RBFOX1: variants seen among roughly 807,000 people sequenced by gnomAD.
RBFOX1 encodes RNA binding fox-1 homolog 1.
In RBFOX1, 8 loss-of-function variants were observed where a neutral mutation model predicts 57.7. The ratio of observed to expected loss-of-function variants is 0.14; its 90% CI spans 0.08 to 0.25. The LOEUF (loss-of-function observed/expected upper bound fraction) is 0.25. Ranked by LOEUF, RBFOX1 falls within the 10% of genes least tolerant of loss-of-function variation. The pLI is 1.00. For missense variants in RBFOX1, 611 were observed against 548.5 expected, an observed-to-expected ratio of 1.11 and a Z score of -1.14; for synonymous variants, 326 against 222.4, an observed-to-expected ratio of 1.47 and a Z score of -4.15.
intron 4 of RBFOX1, among the ~76,000 whole-genome samples, chr16:5,981,067 G>C (rs1225972788): frequency 1.3e-5 from 2 of 152,204 alleles, no homozygotes; most frequent in African/African-American, 4.8e-5. Flanking sequence ...TTGACAGGAT[G>C]CTCAGTGGGT....
At chr16:5,772,829 G>A (rs2054025407) in intron 3 of RBFOX1, among the ~76,000 whole-genome samples, 1 of 152,150 alleles carries the variant, frequency 6.6e-6, no homozygotes, top group Admixed American at 6.5e-5. Context: ...TGGGTGAAAA[G>A]CAGGGCAAAG....
At chr16:5,640,823 A>T (rs1210914829) in intron 3 of RBFOX1, among the ~76,000 whole-genome samples, 1 of 103,126 alleles carries the variant, frequency 9.7e-6, no homozygotes, top group Admixed American at 9.7e-5. Context: ...CACCATGGAT[A>T]CACATACATG....
chr16:6,477,549 G>C (rs1292886535), intron 2 of RBFOX1, among the ~76,000 whole-genome samples: 1 of 152,174 alleles, frequency 6.6e-6, no homozygotes, highest in Non-Finnish European at 1.5e-5. Flanking sequence ...GCTATAAACA[G>C]ATGTCCTGTT....
chr16:5,528,441 A>C (rs1441449364), intron 2 of RBFOX1, among the ~76,000 whole-genome samples: 1 of 152,162 alleles, frequency 6.6e-6, no homozygotes, highest in Non-Finnish European at 1.5e-5. Flanking sequence ...ATCTGAGCAC[A>C]GAGCAGACCA....
rs143347920 is a variant in RBFOX1 at position 7,346,162 on chromosome 16, C to G, written c.28-171985C>G. ...TCCCTACAAAGGACATGAACTCATC[C>G]TTTTTTATGGATGCATAGTATTCCA... On this transcript the variant is annotated intron_variant, in intron 4 of 15. Coordinates refer to ENST00000550418, the MANE Select transcript of RBFOX1 (RefSeq NM_018723.4). Among the ~76,000 whole-genome samples, 941 of 152,168 alleles carry G rather than the reference C, an allele frequency of 6.2e-3. 10 individuals carry two copies. Among genetic ancestry groups the G allele is most frequent in the African/African-American group, 0.021 (877 of 41,534 alleles).
rs947101878 is a variant in RBFOX1, at chr16:6,119,216, AATT to A, written c.-127+99228_-127+99230del. ...TCAATGAATATGAGCTGTTTATAATAATTATTGTTATTAATTATTAATATTAAT... is the reference window on the plus strand; with the variant it reads ...TCAATGAATATGAGCTGTTTATAATAATTGTTATTAATTATTAATATTAAT... On this transcript the variant is annotated intron_variant, in intron 1 of 15. Transcript: ENST00000550418. Among the ~76,000 whole-genome samples, 6 of 151,930 alleles carry A rather than the reference AATT, an allele frequency of 3.9e-5. No individual in the cohort carries two copies. In the South Asian group the frequency reaches 8.3e-4, roughly 21 times the overall value.
intron 1 of RBFOX1, among the ~76,000 whole-genome samples, chr16:5,414,138 C>T (rs1156484223): frequency 1.3e-5 from 2 of 152,092 alleles, no homozygotes; most frequent in East Asian, 1.9e-4. Flanking sequence ...CTGAACACAC[C>T]GTGGTTCTAA....
chr16:6,121,369 A>G (rs376723603), intron 1 of RBFOX1, among the ~76,000 whole-genome samples: 2 of 152,272 alleles, frequency 1.3e-5, no homozygotes, highest in African/African-American at 4.8e-5. Context: ...GGCCACCTGT[A>G]GTGTGCTGAG....
At chr16:6,870,086 C>A (rs771439886) in intron 3 of RBFOX1, among the ~76,000 whole-genome samples, 1 of 152,054 alleles carries the variant, frequency 6.6e-6, no homozygotes, top group Non-Finnish European at 1.5e-5. Context: ...ACTAATCCTT[C>A]TTTTTGGATG....
chr16:7,339,458 T>C (rs1184108924), intron 4 of RBFOX1, among the ~76,000 whole-genome samples: 1 of 152,194 alleles, frequency 6.6e-6, no homozygotes, highest in Non-Finnish European at 1.5e-5. Context: ...ATTATTATTT[T>C]GTGACGGAAT....
chr16:5,897,197 G>GCCACCGCGCCC (rs2058189469), intron 4 of RBFOX1, among the ~76,000 whole-genome samples: 1 of 151,592 alleles, frequency 6.6e-6, no homozygotes, highest in South Asian at 2.1e-4. Flanking sequence ...CACCGCGCCC[G>GCCACCGCGCCC]GCTAATTTTT....
At chr16:6,025,867 A>G (rs1241877944) in intron 1 of RBFOX1, among the ~76,000 whole-genome samples, 2 of 152,180 alleles carry the variant, frequency 1.3e-5, no homozygotes, top group African/African-American at 4.8e-5. Context: ...TTTATCCACA[A>G]TACTGGAACT....
At chr16:5,545,742 T>C (rs942631804) in intron 2 of RBFOX1, among the ~76,000 whole-genome samples, 2 of 152,172 alleles carry the variant, frequency 1.3e-5, no homozygotes, top group Non-Finnish European at 2.9e-5. Flanking sequence ...TCATACTTAA[T>C]AGTGAAAGAC....
At chr16:7,152,223 G>A (rs981068148) in intron 4 of RBFOX1, among the ~76,000 whole-genome samples, 8 of 152,158 alleles carry the variant, frequency 5.3e-5, no homozygotes, top group African/African-American at 1.2e-4. Context: ...TATACCATGC[G>A]TCCATAGCGG....
chr16:6,467,856 A>G (rs2095085345), intron 2 of RBFOX1, among the ~76,000 whole-genome samples: 1 of 152,236 alleles, frequency 6.6e-6, no homozygotes. Context: ...TAATATTATG[A>G]TGTAAAGTTA....
At chr16:7,337,449 G>C (rs2096811391) in intron 4 of RBFOX1, among the ~76,000 whole-genome samples, 2 of 152,162 alleles carry the variant, frequency 1.3e-5, no homozygotes, top group African/African-American at 2.4e-5. Context: ...TCATGGAGTT[G>C]GCTTGTGATA....
At chr16:7,710,462 T>C in intron 15 of RBFOX1, 161 bp from the exon 16 acceptor site, 2 of 1,481,556 alleles carry the variant, frequency 1.3e-6, no homozygotes, top group Non-Finnish European at 1.8e-6. Flanking sequence ...AGGTCAGGAA[T>C]GGCCCTATCT....
At chr16:7,036,601 G>C (rs1431792470) in intron 3 of RBFOX1, among the ~76,000 whole-genome samples, 2 of 151,990 alleles carry the variant, frequency 1.3e-5, no homozygotes, top group Admixed American at 6.6e-5. Flanking sequence ...GCTGAGGCTG[G>C]AGAATCGCTT....
At position 6,029,882 on chromosome 16, in the gene RBFOX1, A is replaced by C. The variant is rs560829862; in HGVS notation, c.-127+9890A>C. 3.9e-5 allele frequency among the ~76,000 whole-genome samples: 6 copies of C among 152,112 alleles called. No individual in the cohort carries two copies. In the South Asian group the frequency reaches 1.2e-3, roughly 32 times the overall value. ...CCAGCAGGACAAGCGAGCTATGAAG[A>C]ATTCAACTCTCTAATGTTATTTGCT... On this transcript the variant is annotated intron_variant, in intron 1 of 15. Transcript: ENST00000550418.
Sources: gnomAD v4.1 joint callset for allele counts (sites outside exome capture counted in the v4.1 genomes callset) on GRCh38, gnomAD v4.1.1 for gene constraint, MANE v1.5 for transcripts, NCBI Gene and HGNC (gene_info 2026-07-23, HGNC 2026-07-21) for gene names.